Variants in TNKS observed in about 807,000 individuals in gnomAD.
TNKS encodes the protein poly [ADP-ribose] polymerase tankyrase-1.
TNKS carries 72 observed loss-of-function variants against 135.8 expected under a neutral mutation model. That is an observed-to-expected ratio of 0.53 (90% confidence interval 0.44 to 0.64). The LOEUF (loss-of-function observed/expected upper bound fraction) is 0.64, where lower values mean the gene tolerates loss of function less well. Ranked by LOEUF, TNKS falls within the 30% of genes least tolerant of loss-of-function variation. The pLI is 0.00. For synonymous variants in TNKS, 849 were observed against 649.3 expected (o/e 1.31, Z -4.68); for missense variants, 1,769 against 1,674.0 (o/e 1.06, Z -0.99).
At chr8:9,706,050 CTTTTATTA>C in intron 6 of TNKS, 129 bp from the exon 7 acceptor site, 1 of 479,116 alleles carries the variant, frequency 2.1e-6, no homozygotes. Context: ...GCTTTGAATT[CTTTTATTA>C]TTTTATTAAA....
Position 9,680,713 on chromosome 8 carries a change from A to G in TNKS, c.1032-12A>G, listed in dbSNP as rs1196906679. 3.1e-6 allele frequency: 5 copies of G among 1,589,542 alleles called. No homozygotes were observed. In the South Asian group the frequency reaches 3.4e-5, roughly 11 times the overall value. On this transcript the variant is annotated splice_polypyrimidine_tract_variant and intron_variant, in intron 4 of 26. Coordinates refer to ENST00000310430, the MANE Select transcript of TNKS (RefSeq NM_003747.3). ...GTAATTTTAGAGGAATTGACTTACT[A>G]CCTTTTTATAGGAGTGGTAATGAAG... is the stretch of plus-strand genomic sequence containing the variant.
At chr8:9,653,014 C>G (rs1801201759) in intron 3 of TNKS, among the ~76,000 whole-genome samples, 1 of 152,152 alleles carries the variant, frequency 6.6e-6, no homozygotes, top group Non-Finnish European at 1.5e-5. Context: ...CAGGCACAGG[C>G]CACACCTCCA....
chr8:9,641,935 A>C (rs985881570), intron 3 of TNKS, among the ~76,000 whole-genome samples: 1 of 146,270 alleles, frequency 6.8e-6, no homozygotes, highest in Non-Finnish European at 1.5e-5. Flanking sequence ...TGCTTTTTAG[A>C]AAGTAACCTC....
chr8:9,613,425 C>T (rs534064259), intron 2 of TNKS, among the ~76,000 whole-genome samples: 1 of 152,202 alleles, frequency 6.6e-6, no homozygotes, highest in South Asian at 2.1e-4. Context: ...AAGTTTAGAC[C>T]CCTGCTGATC....
At chr8:9,715,298 AC>A (rs1563186458) in intron 11 of TNKS, among the ~76,000 whole-genome samples, 1 of 151,934 alleles carries the variant, frequency 6.6e-6, no homozygotes, top group Admixed American at 6.6e-5. Flanking sequence ...TAATAAAGGA[AC>A]TGTATAGAAA....
Position 9,765,682 on chromosome 8 carries a change from A to C in TNKS, c.3448-10A>C. ...CACCGATAATGTTTCTTTCTTCTTC[A>C]TCCTTAAAGATTCAAAAAGTTGTCA... On this transcript the variant is annotated splice_polypyrimidine_tract_variant and intron_variant, in intron 23 of 26. Transcript: ENST00000310430. 6.2e-7 allele frequency: 1 copy of C among 1,606,230 alleles called. No individual in the cohort carries two copies. Among genetic ancestry groups the C allele is most frequent in the Non-Finnish European group, 8.5e-7 (1 of 1,173,782 alleles).
intron 3 of TNKS, among the ~76,000 whole-genome samples, chr8:9,663,947 A>C (rs1801860033): frequency 6.6e-6 from 1 of 152,116 alleles, no homozygotes; most frequent in South Asian, 2.1e-4. Context: ...AATTGATTAT[A>C]TCATTCCCTC....
intron 8 of TNKS, 100 bp downstream of exon 8, chr8:9,707,097 C>A: frequency 1.0e-6 from 1 of 979,856 alleles, no homozygotes. Flanking sequence ...TTCTTACAAG[C>A]AGACTAATTC....
chr8:9,694,924 G>A (rs1321792545), intron 5 of TNKS, among the ~76,000 whole-genome samples: 2 of 152,128 alleles, frequency 1.3e-5, no homozygotes, highest in Non-Finnish European at 2.9e-5. Flanking sequence ...TAGATGAAAG[G>A]TGAGCTAGAT....
At position 9,720,593 on chromosome 8, in the gene TNKS, C is replaced by G. The variant is rs745762675; in HGVS notation, c.1921+48C>G. 3.2e-6 allele frequency: 5 copies of G among 1,550,580 alleles called. No individual in the cohort carries two copies. The Admixed American group carries it at 9.6e-5, about 30-fold the overall frequency. ...GGCATTTTATGTTTTCTCTTCCATCCCTGCTGAAATACACAGACAAACTTT... is the reference window on the plus strand; with the variant it reads ...GGCATTTTATGTTTTCTCTTCCATCGCTGCTGAAATACACAGACAAACTTT... On this transcript the variant is annotated intron_variant, in intron 12 of 26. Coordinates refer to ENST00000310430, the MANE Select transcript of TNKS (RefSeq NM_003747.3).
chr8:9,710,448 A>C, intron 11 of TNKS: 1 of 586,804 alleles, frequency 1.7e-6, no homozygotes, highest in Non-Finnish European at 3.0e-6. Context: ...GTAAAGCAAC[A>C]AAATATAGCT....
intron 2 of TNKS, among the ~76,000 whole-genome samples, chr8:9,600,741 C>G (rs543177244): frequency 4.6e-5 from 7 of 152,062 alleles, no homozygotes; most frequent in Non-Finnish European, 1.0e-4. Flanking sequence ...GTATGCTAGT[C>G]CCAGATGTTG....
intron 12 of TNKS, 152 bp downstream of exon 12, chr8:9,720,697 T>C: frequency 1.1e-6 from 1 of 904,808 alleles, no homozygotes; most frequent in Non-Finnish European, 1.6e-6. Flanking sequence ...CTCCCTTTTT[T>C]GGTAGGGTAA....
At chr8:9,668,343 C>T (rs1218973352) in intron 3 of TNKS, among the ~76,000 whole-genome samples, 1 of 152,134 alleles carries the variant, frequency 6.6e-6, no homozygotes, top group Non-Finnish European at 1.5e-5. Context: ...TAGATCCACT[C>T]CTTAGGGAGA....
chr8:9,590,591 C>T (rs1043560467), intron 2 of TNKS, among the ~76,000 whole-genome samples: 1 of 152,200 alleles, frequency 6.6e-6, no homozygotes, highest in Non-Finnish European at 1.5e-5. Context: ...TAATAAAGCT[C>T]TGTGCTTGCT....
intron 3 of TNKS, among the ~76,000 whole-genome samples, chr8:9,661,840 A>T (rs1801731062): frequency 6.6e-6 from 1 of 152,226 alleles, no homozygotes; most frequent in Non-Finnish European, 1.5e-5. Flanking sequence ...TACTCATCTG[A>T]CAAAGGGCTA....
chr8:9,707,065 TAC>T, intron 8 of TNKS, 68 bp downstream of exon 8: 1 of 1,308,610 alleles, frequency 7.6e-7, no homozygotes, highest in South Asian at 1.6e-5. Context: ...GAGTTTTATC[TAC>T]CTTAAATAAT....
At chr8:9,579,775 A>G (rs1323628642) in intron 1 of TNKS, among the ~76,000 whole-genome samples, 1 of 152,208 alleles carries the variant, frequency 6.6e-6, no homozygotes, top group Non-Finnish European at 1.5e-5. Context: ...TATCAGCAGT[A>G]TTTAAATAAC....
intron 3 of TNKS, among the ~76,000 whole-genome samples, chr8:9,679,031 G>C (rs1374270572): frequency 6.6e-6 from 1 of 152,052 alleles, no homozygotes; most frequent in Non-Finnish European, 1.5e-5. Flanking sequence ...GCTTGCAAAA[G>C]AAATTTGTTT....
Sources: allele counts gnomAD v4.1 joint callset (sites outside exome capture counted in the v4.1 genomes callset), GRCh38; gene constraint gnomAD v4.1.1; transcripts MANE v1.5; gene names NCBI Gene and HGNC (gene_info 2026-07-23, HGNC 2026-07-21).